ZFAT: variants seen among roughly 807,000 people sequenced by gnomAD.
ZFAT encodes zinc finger and AT-hook domain containing, also known as zinc finger protein ZFAT.
ZFAT carries 64 observed loss-of-function variants against 117.7 expected under a neutral mutation model. The observed-to-expected ratio is 0.54, with a 90% CI of 0.44 to 0.67. The LOEUF is 0.67. Among genes scored for constraint, ZFAT ranks in the 30% least tolerant of loss-of-function variants. The pLI, the probability that ZFAT is intolerant of heterozygous loss-of-function variation, is 0.00. For synonymous variants in ZFAT, 679 were observed against 615.0 expected (o/e 1.10, Z -1.54); for missense variants, 1,433 against 1,584.5 (o/e 0.90, Z 1.62).
intron 15 of ZFAT, among the ~76,000 whole-genome samples, chr8:134,488,130 G>A (rs565161525): frequency 6.6e-6 from 1 of 152,358 alleles, no homozygotes; most frequent in South Asian, 2.1e-4. Flanking sequence ...AGGGAAGAGT[G>A]GAGGTCTGAC....
At chr8:134,688,376 T>C (rs1289107827) in intron 1 of ZFAT, among the ~76,000 whole-genome samples, 1 of 152,128 alleles carries the variant, frequency 6.6e-6, no homozygotes, top group Admixed American at 6.5e-5. Flanking sequence ...ACAGCACACA[T>C]GCGCACACAA....
chr8:134,790,123 C>T, the ZFAT span, among the ~76,000 whole-genome samples: 3 of 151,692 alleles, frequency 2.0e-5, no homozygotes, highest in Non-Finnish European at 4.4e-5. Flanking sequence ...AATGGGCCTC[C>T]GATGGTGAGA....
intron 1 of ZFAT, among the ~76,000 whole-genome samples, chr8:134,671,038 C>T (rs1832536024): frequency 1.3e-5 from 2 of 152,084 alleles, no homozygotes; most frequent in Non-Finnish European, 2.9e-5. Context: ...ATACACCCTC[C>T]CAAGAGTAAA....
intron 15 of ZFAT, among the ~76,000 whole-genome samples, chr8:134,479,473 C>T (rs965405372): frequency 3.3e-5 from 5 of 152,226 alleles, no homozygotes; most frequent in African/African-American, 1.2e-4. Context: ...TATCCCACAT[C>T]CCTCATGCTG....
chr8:134,671,516 C>G (rs1241523914), intron 1 of ZFAT, among the ~76,000 whole-genome samples: 6 of 152,172 alleles, frequency 3.9e-5, no homozygotes. Flanking sequence ...ATGATTATCT[C>G]AATAGATGCA....
At chr8:134,506,686 T>C (rs1472344972) in intron 15 of ZFAT, among the ~76,000 whole-genome samples, 3 of 152,258 alleles carry the variant, frequency 2.0e-5, no homozygotes, top group Admixed American at 2.0e-4. Flanking sequence ...TCAATTAACA[T>C]TAACAAGTCA....
At chr8:134,694,050 C>G (rs1833708348) in intron 1 of ZFAT, among the ~76,000 whole-genome samples, 1 of 152,212 alleles carries the variant, frequency 6.6e-6, no homozygotes, top group Non-Finnish European at 1.5e-5. Context: ...TACAAAATAA[C>G]TGGCCCATAC....
At chr8:134,782,998 C>T in the ZFAT span, among the ~76,000 whole-genome samples, 2 of 151,966 alleles carry the variant, frequency 1.3e-5, no homozygotes, top group African/African-American at 4.8e-5. Flanking sequence ...TATACACACA[C>T]ACACATTTAT....
chr8:134,656,435 C>T (rs1303261164), intron 2 of ZFAT, among the ~76,000 whole-genome samples: 1 of 152,192 alleles, frequency 6.6e-6, no homozygotes, highest in East Asian at 1.9e-4. Context: ...TATTCACCCA[C>T]CACTAGCTTC....
chr8:134,643,725 G>A (rs1305213740), intron 2 of ZFAT, among the ~76,000 whole-genome samples: 4 of 152,188 alleles, frequency 2.6e-5, no homozygotes, highest in Admixed American at 6.5e-5. Context: ...TCAGCCCTGA[G>A]CACGTTTTAT....
chr8:134,824,952 T>C, the ZFAT span, among the ~76,000 whole-genome samples: 2 of 152,222 alleles, frequency 1.3e-5, no homozygotes. Flanking sequence ...GGCATAAGTG[T>C]AATTTTTTTT....
At chr8:134,711,067 T>C (rs1422333070) in intron 1 of ZFAT, among the ~76,000 whole-genome samples, 1 of 152,258 alleles carries the variant, frequency 6.6e-6, no homozygotes, top group African/African-American at 2.4e-5. Context: ...AAGTCTGCTG[T>C]TCAGCCTGCA....
intron 11 of ZFAT, 125 bp from the exon 12 acceptor site, chr8:134,533,097 T>C (rs1821553617): frequency 7.1e-7 from 1 of 1,403,336 alleles, no homozygotes; most frequent in African/African-American, 1.4e-5. Flanking sequence ...TCACCTGTGA[T>C]ATGTTCTAGG....
intron 1 of ZFAT, among the ~76,000 whole-genome samples, chr8:134,708,281 C>T (rs1586977549): frequency 6.6e-6 from 1 of 152,010 alleles, no homozygotes; most frequent in African/African-American, 2.4e-5. Context: ...ATGGTGAATA[C>T]AGTAATAACG....
At chr8:134,550,836 C>T (rs1187200412) in intron 11 of ZFAT, among the ~76,000 whole-genome samples, 3 of 152,082 alleles carry the variant, frequency 2.0e-5, no homozygotes, top group Admixed American at 1.3e-4. Context: ...CCATGCATCC[C>T]GCTCCCAACC....
chr8:134,649,835 C>T (rs1255239421), intron 2 of ZFAT, among the ~76,000 whole-genome samples: 2 of 152,054 alleles, frequency 1.3e-5, no homozygotes, highest in African/African-American at 4.8e-5. Context: ...AATCTCACCT[C>T]GAATTATAAC....
At chr8:134,601,284 A>G (rs1827429580) in intron 6 of ZFAT, among the ~76,000 whole-genome samples, 193 bp downstream of exon 6, 3 of 152,196 alleles carry the variant, frequency 2.0e-5, no homozygotes, top group Admixed American at 2.0e-4. Flanking sequence ...TCAACTGTGC[A>G]GCCATCCCGG....
chr8:134,586,516 TAC>T (rs1826079971), intron 9 of ZFAT, among the ~76,000 whole-genome samples: 1 of 152,220 alleles, frequency 6.6e-6, no homozygotes, highest in Non-Finnish European at 1.5e-5. Flanking sequence ...TGAGTACAAT[TAC>T]AGTTTGATGC....
chr8:134,825,370 G>A, the ZFAT span, among the ~76,000 whole-genome samples: 2 of 152,110 alleles, frequency 1.3e-5, no homozygotes, highest in Non-Finnish European at 2.9e-5. Context: ...TTCCCTCCCA[G>A]TACTAACATT....
Sources: gnomAD v4.1 joint callset for allele counts (sites outside exome capture counted in the v4.1 genomes callset) on GRCh38, gnomAD v4.1.1 for gene constraint, MANE v1.5 for transcripts, NCBI Gene and HGNC (gene_info 2026-07-23, HGNC 2026-07-21) for gene names.